The following DOCK5 variants were observed in gnomAD, a reference collection of about 807,000 sequenced individuals.
DOCK5 encodes the protein dedicator of cytokinesis 5, also known as dedicator of cytokinesis protein 5.
In DOCK5, 142 loss-of-function variants were observed where a neutral mutation model predicts 251.8. That is an observed-to-expected ratio of 0.56 (90% confidence interval 0.49 to 0.65). The LOEUF (loss-of-function observed/expected upper bound fraction) is 0.65. DOCK5 is among the 30% of genes least tolerant of loss of function. DOCK5 has a pLI of 0.00. For missense variants in DOCK5, 2,111 were observed against 2,312.3 expected (o/e 0.91, Z 1.79); for synonymous variants, 842 against 835.5 (o/e 1.01, Z -0.13).
intron 45 of DOCK5, chr8:25,395,931 C>T (rs778528734): frequency 1.5e-4 from 101 of 667,662 alleles, no homozygotes; most frequent in Non-Finnish European, 2.4e-4. Flanking sequence ...CCTAGTAAAG[C>T]GTCACAGAAA....
At chr8:25,328,865 C>T (rs1475829542) in intron 18 of DOCK5, among the ~76,000 whole-genome samples, 1 of 152,214 alleles carries the variant, frequency 6.6e-6, no homozygotes, top group Non-Finnish European at 1.5e-5. Flanking sequence ...TCAGTCATTG[C>T]ACCCTCCAGC....
chr8:25,335,790 G>A (rs1340716383), intron 21 of DOCK5, among the ~76,000 whole-genome samples: 2 of 152,132 alleles, frequency 1.3e-5, no homozygotes, highest in African/African-American at 4.8e-5. Context: ...ACTCCATAAA[G>A]TTTCTATCTG....
At chr8:25,276,755 T>C (rs978849453) in intron 4 of DOCK5, among the ~76,000 whole-genome samples, 1 of 152,216 alleles carries the variant, frequency 6.6e-6, no homozygotes, top group Non-Finnish European at 1.5e-5. Flanking sequence ...TAAAATTAAC[T>C]GTTTAAAAAG....
chr8:25,340,839 A>T, intron 22 of DOCK5, 38 bp from the exon 23 acceptor site: 1 of 1,556,794 alleles, frequency 6.4e-7, no homozygotes, highest in Non-Finnish European at 8.8e-7. Context: ...TCTTTTAACA[A>T]TGGAAAGTCC....
intron 3 of DOCK5, among the ~76,000 whole-genome samples, chr8:25,272,202 A>T (rs1803929961): frequency 6.6e-6 from 1 of 151,550 alleles, no homozygotes; most frequent in Admixed American, 6.6e-5. Context: ...CTAATTTTTT[A>T]AATTTTTGTA....
At position 25,212,490 on chromosome 8, in the gene DOCK5, G is replaced by A. The variant is rs1477586601; in HGVS notation, c.43+27539G>A. On this transcript the variant is annotated intron_variant, in intron 1 of 51. Coordinates refer to ENST00000276440, the MANE Select transcript of DOCK5 (RefSeq NM_024940.8). ...TCTTGAAAGAGCTTACATTCTAGTC[G>A]GGGAAATAAGAAGTATACACAAAAG... 5.7e-5 allele frequency among the ~76,000 whole-genome samples: 4 copies of A among 70,438 alleles called. 1 individual carries two copies. Among genetic ancestry groups the A allele is most frequent in the Non-Finnish European group, 9.3e-5 (2 of 21,536 alleles). 46.2% of individuals were successfully genotyped at this position (70,438 alleles called of 152,430 possible). A position where few individuals can be genotyped will look rare whatever the true frequency, so the allele number is the denominator to read the frequency against.
At chr8:25,383,992 T>G (rs918908143) in intron 40 of DOCK5, among the ~76,000 whole-genome samples, 3 of 152,246 alleles carry the variant, frequency 2.0e-5, no homozygotes, top group Non-Finnish European at 2.9e-5. Context: ...ATAGCAGCTT[T>G]AATCATAGTC....
intron 1 of DOCK5, among the ~76,000 whole-genome samples, chr8:25,199,112 CA>C (rs1320701660): frequency 5.3e-5 from 8 of 152,056 alleles, no homozygotes; most frequent in Non-Finnish European, 1.0e-4. Context: ...ACATCAGTTG[CA>C]AAATTAATAA....
At chr8:25,305,952 G>A (rs947952542) in intron 11 of DOCK5, among the ~76,000 whole-genome samples, 2 of 152,002 alleles carry the variant, frequency 1.3e-5, no homozygotes, top group Non-Finnish European at 2.9e-5. Context: ...TGTATTATAT[G>A]TAATATATAA....
intron 48 of DOCK5, among the ~76,000 whole-genome samples, chr8:25,406,028 G>T (rs562479090): frequency 6.6e-6 from 1 of 151,906 alleles, no homozygotes; most frequent in East Asian, 1.9e-4. Flanking sequence ...GTGCGATCTC[G>T]GCTCACCGCA....
intron 18 of DOCK5, among the ~76,000 whole-genome samples, chr8:25,331,415 C>A (rs1805679938): frequency 1.3e-5 from 2 of 152,260 alleles, no homozygotes; most frequent in South Asian, 4.1e-4. Flanking sequence ...GCCCCTTTGA[C>A]ATTTTTAATA....
intron 1 of DOCK5, among the ~76,000 whole-genome samples, chr8:25,187,526 G>C (rs1370863351): frequency 6.6e-6 from 1 of 151,750 alleles, no homozygotes; most frequent in African/African-American, 2.4e-5. Flanking sequence ...CCACAGTTGG[G>C]ATAAATTAAC....
At chr8:25,307,189 C>T (rs954158993) in intron 11 of DOCK5, among the ~76,000 whole-genome samples, 4 of 151,870 alleles carry the variant, frequency 2.6e-5, no homozygotes, top group Non-Finnish European at 4.4e-5. Flanking sequence ...GCGTGATCTC[C>T]GCTCACTGCA....
chr8:25,255,372 T>TA (rs1454514378), intron 2 of DOCK5, among the ~76,000 whole-genome samples: 1 of 152,090 alleles, frequency 6.6e-6, no homozygotes, highest in Non-Finnish European at 1.5e-5. Flanking sequence ...CATTCAGCGC[T>TA]AAAAAGAAAT....
At chr8:25,404,510 A>G (rs1801491972) in intron 48 of DOCK5, among the ~76,000 whole-genome samples, 1 of 152,194 alleles carries the variant, frequency 6.6e-6, no homozygotes, top group Non-Finnish European at 1.5e-5. Context: ...GAAATGTTCC[A>G]GTAAGCATTT....
intron 27 of DOCK5, among the ~76,000 whole-genome samples, chr8:25,354,417 C>CT (rs1800531066): frequency 6.6e-6 from 1 of 152,106 alleles, no homozygotes; most frequent in South Asian, 2.1e-4. Context: ...TTCCTGAGCT[C>CT]CTTTTAGGAA....
At chr8:25,222,603 A>G (rs1184234195) in intron 1 of DOCK5, among the ~76,000 whole-genome samples, 1 of 152,222 alleles carries the variant, frequency 6.6e-6, no homozygotes, top group African/African-American at 2.4e-5. Context: ...CAGGAATCAT[A>G]ATTATTGCCA....
At chr8:25,288,450 G>T (rs1804399888) in intron 5 of DOCK5, among the ~76,000 whole-genome samples, 1 of 152,202 alleles carries the variant, frequency 6.6e-6, no homozygotes, top group South Asian at 2.1e-4. Flanking sequence ...GGGGGACAAA[G>T]TTGGCAGACA....
In DOCK5 at chr8:25,401,951, C is replaced by T. The variant is rs147470478; in HGVS notation, c.4926+885C>T. The stretch of plus-strand genomic sequence containing the variant: ...TAGCTGCTTTCATAATTGTTTTTGA[C>T]GAGCTCCTCACAGCTACAATTTTCT... On this transcript the variant is annotated intron_variant, in intron 47 of 51. Coordinates refer to ENST00000276440, the MANE Select transcript of DOCK5 (RefSeq NM_024940.8). Among the ~76,000 whole-genome samples the T allele has an allele frequency of 7.4e-4, 112 of 152,240 alleles. 1 individual carries two copies. In the South Asian group the frequency reaches 0.01, roughly 14 times the overall value.
Sources: allele counts gnomAD v4.1 joint callset (sites outside exome capture counted in the v4.1 genomes callset), GRCh38; gene constraint gnomAD v4.1.1; transcripts MANE v1.5; gene names NCBI Gene and HGNC (gene_info 2026-07-23, HGNC 2026-07-21).